Variants in PPP3CB observed in about 807,000 individuals in gnomAD.
PPP3CB encodes serine/threonine-protein phosphatase 2B catalytic subunit beta isoform.
A neutral mutation model predicts 66.4 loss-of-function variants in PPP3CB; 8 were observed. The ratio of observed to expected loss-of-function variants is 0.12; its 90% CI spans 0.07 to 0.22. PPP3CB has a LOEUF of 0.22. Among genes scored for constraint, PPP3CB ranks in the 10% least tolerant of loss-of-function variants. PPP3CB has a pLI of 1.00. For missense variants in PPP3CB, 319 were observed against 642.5 expected (o/e 0.50, Z 5.44); for synonymous variants, 208 against 221.2 (o/e 0.94, Z 0.53).
intron 1 of PPP3CB, among the ~76,000 whole-genome samples, chr10:73,485,953 T>TGTGTGTGTGTGTGTGTGTGTGTG (rs577772189): frequency 7.1e-6 from 1 of 140,494 alleles, no homozygotes. Context: ...TGTGTGTGTA[T>TGTGTGTGTGTGTGTGTGTGTGTG]TTTTTTTTTT....
chr10:73,494,943 T>G (rs1033306399), intron 1 of PPP3CB, among the ~76,000 whole-genome samples: 2 of 152,224 alleles, frequency 1.3e-5, no homozygotes, highest in African/African-American at 2.4e-5. Context: ...AAGCTTGGAA[T>G]CTTAAGCAAC....
At chr10:73,486,166 G>A (rs542617616) in intron 1 of PPP3CB, among the ~76,000 whole-genome samples, 45 of 151,308 alleles carry the variant, frequency 3.0e-4, no homozygotes, top group African/African-American at 9.7e-4. Context: ...GGCTGGACTC[G>A]AACCCTTAAC....
In PPP3CB at chr10:73,455,827, C is replaced by CCCAAAGTGCTGGGATTACAGG. The variant is rs1398156505; in HGVS notation, c.1109-1359_1109-1339dup. On this transcript the variant is annotated intron_variant, in intron 9 of 13. Transcript: ENST00000360663. ...CCTCGTGATCCGCCCACCTTGGCCT[C>CCCAAAGTGCTGGGATTACAGG]CCAAAGTGCTGGGATTACAGGCGTG... Among the ~76,000 whole-genome samples, 8 of 152,224 alleles carry CCCAAAGTGCTGGGATTACAGG rather than the reference C, an allele frequency of 5.3e-5. No homozygotes were observed. In the East Asian group the frequency reaches 1.2e-3, roughly 22 times the overall value.
intron 13 of PPP3CB, among the ~76,000 whole-genome samples, chr10:73,439,195 T>C (rs546639451): frequency 6.6e-6 from 1 of 152,304 alleles, no homozygotes; most frequent in African/African-American, 2.4e-5. Flanking sequence ...ATAGGAAATA[T>C]TTTCAAACCA....
At chr10:73,477,671 C>T (rs1481691971) in intron 3 of PPP3CB, among the ~76,000 whole-genome samples, 1 of 152,156 alleles carries the variant, frequency 6.6e-6, no homozygotes, top group Non-Finnish European at 1.5e-5. Context: ...AATCTCAACA[C>T]TTTGGGAGTC....
At chr10:73,451,588 A>G (rs1475327144) in intron 10 of PPP3CB, among the ~76,000 whole-genome samples, 2 of 151,606 alleles carry the variant, frequency 1.3e-5, no homozygotes, top group African/African-American at 2.4e-5. Context: ...AGAGAAAGGA[A>G]GAAGGAAGGA....
intron 9 of PPP3CB, among the ~76,000 whole-genome samples, chr10:73,455,742 G>T (rs895275153): frequency 2.0e-5 from 3 of 152,114 alleles, no homozygotes; most frequent in Non-Finnish European, 4.4e-5. Flanking sequence ...CTAATTTTTT[G>T]TATTTTTTTA....
chr10:73,442,176 T>G (rs2056160345), intron 12 of PPP3CB, among the ~76,000 whole-genome samples: 1 of 152,098 alleles, frequency 6.6e-6, no homozygotes, highest in Non-Finnish European at 1.5e-5. Flanking sequence ...AGCTATCTAG[T>G]TTAAGGGGTC....
intron 9 of PPP3CB, among the ~76,000 whole-genome samples, chr10:73,463,185 C>G (rs577812443): frequency 6.6e-6 from 1 of 152,270 alleles, no homozygotes; most frequent in South Asian, 2.1e-4. Flanking sequence ...GATTCTACTT[C>G]TACCATTCTT....
intron 1 of PPP3CB, among the ~76,000 whole-genome samples, chr10:73,494,598 T>G (rs2057143346): frequency 6.6e-6 from 1 of 151,678 alleles, no homozygotes. Flanking sequence ...CCAGGCCAAA[T>G]TAGTATTATT....
Position 73,479,503 on chromosome 10 carries a change from G to T in PPP3CB, c.100C>A (p.Pro34Thr), listed in dbSNP as rs772103811. The change falls in exon 2 of 14, where the codon CCA becomes ACA. Residue 34 changes from proline to threonine, a missense_variant. Transcript: ENST00000360663. ...DRVVKAVPFP[P>T]THRLTSEEVF... ...TCTTCAGATGTCAAGCGATGTGTTG[G>T]GGGGAAAGGGACAGCTGCAAATGTT... 42 of 1,613,726 alleles carry T rather than the reference G, an allele frequency of 2.6e-5. No homozygotes were observed. The highest frequency in any genetic ancestry group is 3.6e-5 in the Non-Finnish European group (42 of 1,179,806).
At chr10:73,444,516 A>G in intron 12 of PPP3CB, 3 of 1,460,820 alleles carry the variant, frequency 2.1e-6, no homozygotes, top group Non-Finnish European at 2.8e-6. Flanking sequence ...CATTATTTTC[A>G]ATTGAAAGGA....
rs1462757533 is a variant in PPP3CB at position 73,478,532 on chromosome 10, G to A, written c.378C>T (p.Gly126=). The A allele has an allele frequency of 6.2e-6, 10 of 1,609,428 alleles. No homozygotes were observed. The highest frequency in any genetic ancestry group is 1.1e-5 in the South Asian group (1 of 90,928). The change falls in exon 3 of 14, where the codon GGC becomes GGT. Residue 126 remains glycine, a synonymous_variant. Coordinates refer to ENST00000360663, the MANE Select transcript of PPP3CB (RefSeq NM_021132.4). ...TAAAATAACCTCTGTCCACATAATCGCCAAGAAAAAGGTATCGTGTATTAG... is the reference window on the plus strand; with the variant it reads ...TAAAATAACCTCTGTCCACATAATCACCAAGAAAAAGGTATCGTGTATTAG... ...SPANTRYLFL[G]DYVDRGYFSI...
chr10:73,459,603 T>C (rs1182707820), intron 9 of PPP3CB, among the ~76,000 whole-genome samples: 1 of 152,266 alleles, frequency 6.6e-6, no homozygotes, highest in Non-Finnish European at 1.5e-5. Context: ...AAATGTGCTA[T>C]ATCCATACAA....
rs57190155 is a variant in PPP3CB, at chr10:73,485,908, T to TTGTGTGTG, written c.86-6399_86-6392dup. Among the ~76,000 whole-genome samples the TTGTGTGTG allele has an allele frequency of 4.6e-3, 561 of 121,292 alleles. 6 individuals carry two copies. Among genetic ancestry groups the TTGTGTGTG allele is most frequent in the South Asian group, 6.9e-3 (22 of 3,166 alleles). The allele number at this position is 121,292 out of a possible 152,430, so 79.6% of individuals were successfully genotyped here. On this transcript the variant is annotated intron_variant, in intron 1 of 13. Transcript: ENST00000360663. ...GGCACACACCACCACACCTGGCTAA[T>TTGTGTGTG]TGTGTGTGTGTGTGTGTGTGTGTGT...
chr10:73,484,528 C>T (rs1258269774), intron 1 of PPP3CB, among the ~76,000 whole-genome samples: 1 of 151,340 alleles, frequency 6.6e-6, no homozygotes, highest in Non-Finnish European at 1.5e-5. Context: ...GCCTCGGCCT[C>T]CCAAAGTGCT....
chr10:73,490,826 TTTTA>T (rs1207196447), intron 1 of PPP3CB, among the ~76,000 whole-genome samples: 7 of 152,032 alleles, frequency 4.6e-5, no homozygotes, highest in Admixed American at 1.3e-4. Flanking sequence ...TGAAGATTTA[TTTTA>T]TTTATTTATT....
intron 12 of PPP3CB, among the ~76,000 whole-genome samples, chr10:73,442,543 G>A (rs1488384223): frequency 1.3e-5 from 2 of 151,998 alleles, no homozygotes; most frequent in African/African-American, 4.8e-5. Flanking sequence ...TAATATTTTT[G>A]AAGCTATTAA....
intron 9 of PPP3CB, among the ~76,000 whole-genome samples, chr10:73,464,279 G>A (rs527380300): frequency 1.6e-4 from 24 of 152,000 alleles, no homozygotes; most frequent in Non-Finnish European, 3.1e-4. Context: ...CGCTTGTCTT[G>A]GAGCACTTAC....
Sources: gnomAD v4.1 joint callset for allele counts (sites outside exome capture counted in the v4.1 genomes callset) on GRCh38, gnomAD v4.1.1 for gene constraint, MANE v1.5 for transcripts, NCBI Gene and HGNC (gene_info 2026-07-23, HGNC 2026-07-21) for gene names.